HDAC11: variants seen among roughly 807,000 people sequenced by gnomAD.
HDAC11 encodes histone deacetylase 11.
HDAC11 carries 23 observed loss-of-function variants against 41.1 expected under a neutral mutation model. The ratio of observed to expected loss-of-function variants is 0.56; its 90% CI spans 0.40 to 0.79. HDAC11 has a LOEUF of 0.79. Ranked by LOEUF, HDAC11 falls within the 30% of genes least tolerant of loss-of-function variation. The pLI is 0.00. For synonymous variants in HDAC11, 187 were observed against 186.6 expected, an observed-to-expected ratio of 1.00 and a Z score of -0.02; for missense variants, 402 against 477.3, an observed-to-expected ratio of 0.84 and a Z score of 1.47.
At position 13,504,257 on chromosome 3, in the gene HDAC11, G is replaced by A; in HGVS notation, c.813G>A (p.Leu271=). The change falls in exon 9 of 10, where the codon CTG becomes CTA. Residue 271 remains leucine, a synonymous_variant. Coordinates refer to ENST00000295757, the MANE Select transcript of HDAC11 (RefSeq NM_024827.4). ...DILEGDRLGG[L]SISPAGIVKR... Reference sequence around the variant, plus strand: ...TCGAGGGGGACCGCCTTGGGGGGCTGTCCATCAGCCCAGCGGTACGTCCTG... The same window carrying A: ...TCGAGGGGGACCGCCTTGGGGGGCTATCCATCAGCCCAGCGGTACGTCCTG... 1 of 1,613,394 alleles carries A rather than the reference G, an allele frequency of 6.2e-7. No homozygotes were observed. Among genetic ancestry groups the A allele is most frequent in the African/African-American group, 1.3e-5 (1 of 75,054 alleles).
Position 13,504,649 on chromosome 3 carries a change from C to G in HDAC11, c.1010C>G (p.Ser337Ter). Reference sequence around the variant, plus strand: ...TCACCCAGCGTCTCCGCACAGAACTCAGACACACCGCTGCTTCCCCCTGCA... The same window carrying G: ...TCACCCAGCGTCTCCGCACAGAACTGAGACACACCGCTGCTTCCCCCTGCA... ...PESPSVSAQN[S>*]DTPLLPPAVP is the part of the protein sequence containing the mutation. Residue 337 changes from serine to a stop codon, truncating the protein, a stop_gained, in exon 10 of 10, where the codon TCA (serine) becomes TGA (stop). Transcript: ENST00000295757. LOFTEE classifies it high-confidence loss of function. 1 of 1,613,840 alleles carries G rather than the reference C, an allele frequency of 6.2e-7. No homozygotes were observed. Among genetic ancestry groups the G allele is most frequent in the Non-Finnish European group, 8.5e-7 (1 of 1,180,018 alleles).
Position 13,493,571 on chromosome 3 carries a change from A to AAGTAGCCACCTGTGGCT in HDAC11, c.253-3164_253-3148dup, listed in dbSNP as rs1206373796. Among the ~76,000 whole-genome samples, 7 of 152,364 alleles carry AAGTAGCCACCTGTGGCT rather than the reference A, an allele frequency of 4.6e-5. No individual in the cohort carries two copies. In the East Asian group the frequency reaches 1.3e-3, roughly 29 times the overall value. On this transcript the variant is annotated intron_variant, in intron 3 of 9. Transcript: ENST00000295757. ...TTTTGATGAATTTACAATCACTCGT[A>AAGTAGCCACCTGTGGCT]AGTAGCCACCTGTGGCTGGCAGCCA...
rs770556006 is a variant in HDAC11, at chr3:13,504,104, G to A, written c.660G>A (p.Arg220=). ...ATGTCTCTCTCCCAGAGGCCATCAG[G>A]CGGAAGGTGGAGCTGGAGTGGGGCA... ...PGDRFAKQAI[R]RKVELEWGTE... Residue 220 remains arginine, a synonymous_variant, in exon 9 of 10, where the codon AGG becomes AGA. Coordinates refer to ENST00000295757, the MANE Select transcript of HDAC11 (RefSeq NM_024827.4). 6.2e-7 allele frequency: 1 copy of A among 1,613,990 alleles called. No individual in the cohort carries two copies. Among genetic ancestry groups the A allele is most frequent in the Non-Finnish European group, 8.5e-7 (1 of 1,179,998 alleles).
chr3:13,504,227 C>G lies in HDAC11; in HGVS notation c.783C>G (p.Asp261Glu). The G allele has an allele frequency of 6.2e-7, 1 of 1,613,806 alleles. No individual in the cohort carries two copies. The highest frequency in any genetic ancestry group is 1.1e-5 in the South Asian group (1 of 91,082). ...TGGTGGTATACAATGCAGGCACCGA[C>G]ATCCTCGAGGGGGACCGCCTTGGGG... ...PDVVVYNAGTDILEGDRLGGL... is the reference protein window; with the variant it reads ...PDVVVYNAGTEILEGDRLGGL... Residue 261 changes from aspartate (D) to glutamate (E), a missense_variant, in exon 9 of 10, where the codon GAC becomes GAG. Coordinates refer to ENST00000295757, the MANE Select transcript of HDAC11 (RefSeq NM_024827.4).
chr3:13,489,868 A>G (rs1391006462), intron 3 of HDAC11, among the ~76,000 whole-genome samples: 1 of 152,100 alleles, frequency 6.6e-6, no homozygotes, highest in Non-Finnish European at 1.5e-5. Flanking sequence ...CACTGCGCCC[A>G]GCCAATTCTA....
chr3:13,492,344 C>T (rs1701904001), intron 3 of HDAC11, among the ~76,000 whole-genome samples: 2 of 152,200 alleles, frequency 1.3e-5, no homozygotes. Flanking sequence ...CAACGGCATG[C>T]ATGGCCAGCA....
At chr3:13,500,922 G>T in intron 6 of HDAC11, 133 bp downstream of exon 6, 1 of 668,388 alleles carries the variant, frequency 1.5e-6, no homozygotes, top group Non-Finnish European at 2.4e-6. Context: ...GGCTTGTTTG[G>T]GTTGCTCAGC....
At chr3:13,501,420 A>C (rs1226809781) in intron 6 of HDAC11, among the ~76,000 whole-genome samples, 4 of 152,172 alleles carry the variant, frequency 2.6e-5, no homozygotes, top group Non-Finnish European at 5.9e-5. Context: ...AGAAGGGGGA[A>C]GCACAGGAGA....
At chr3:13,484,747 A>C (rs1167456806) in intron 3 of HDAC11, among the ~76,000 whole-genome samples, 1 of 152,194 alleles carries the variant, frequency 6.6e-6, no homozygotes, top group African/African-American at 2.4e-5. Flanking sequence ...CTGTAGACCA[A>C]ACTGGGCACA....
At chr3:13,499,965 G>C (rs923539483) in intron 5 of HDAC11, among the ~76,000 whole-genome samples, 9 of 152,148 alleles carry the variant, frequency 5.9e-5, no homozygotes, top group Non-Finnish European at 1.3e-4. Context: ...CTGTAAAATG[G>C]GGATGGTGAT....
rs375290521 is a variant in HDAC11 at position 13,504,271 on chromosome 3, C to G, written c.827C>G (p.Ala276Gly). The G allele has an allele frequency of 6.2e-7, 1 of 1,612,992 alleles. No homozygotes were observed. The highest frequency in any genetic ancestry group is 1.3e-5 in the African/African-American group (1 of 74,936). The change falls in exon 9 of 10, where the codon GCG becomes GGG. Residue 276 changes from alanine (A) to glycine (G), a missense_variant and splice_region_variant. By Grantham distance (60) the Ala-to-Gly change is moderately conservative. Transcript: ENST00000295757. ...CTTGGGGGGCTGTCCATCAGCCCAG[C>G]GGTACGTCCTGACCCTTGGGGCCAC... ...DRLGGLSISP[A>G]GIVKRDELVF...
At chr3:13,504,386 G>C in intron 9 of HDAC11, 82 bp from the exon 10 acceptor site, 2 of 1,584,858 alleles carry the variant, frequency 1.3e-6, no homozygotes, top group Non-Finnish European at 1.7e-6. Flanking sequence ...CAGCAGTTTG[G>C]AGCAGGGCTA....
intron 5 of HDAC11, 35 bp downstream of exon 5, chr3:13,498,590 C>T: frequency 6.2e-7 from 1 of 1,610,702 alleles, no homozygotes; most frequent in Non-Finnish European, 8.5e-7. Context: ...AATGTCCAGC[C>T]CGGCTTGGTG....
intron 5 of HDAC11, among the ~76,000 whole-genome samples, chr3:13,499,415 C>T (rs558164912): frequency 1.2e-4 from 19 of 152,108 alleles, no homozygotes; most frequent in Admixed American, 3.3e-4. Context: ...GGTGATACGC[C>T]CACCTCGCTC....
At chr3:13,489,620 A>G (rs138448736) in intron 3 of HDAC11, among the ~76,000 whole-genome samples, 1,890 of 152,322 alleles carry the variant, frequency 0.012, 27 homozygotes, top group Middle Eastern at 0.034. Flanking sequence ...AGGCTGGAGT[A>G]CGGTGGCTCC....
At chr3:13,491,817 C>A (rs1461234523) in intron 3 of HDAC11, among the ~76,000 whole-genome samples, 3 of 152,378 alleles carry the variant, frequency 2.0e-5, no homozygotes, top group East Asian at 1.9e-4. Context: ...CTCCCATGCT[C>A]ACATAGTGTG....
At chr3:13,493,694 C>T (rs1454046652) in intron 3 of HDAC11, among the ~76,000 whole-genome samples, 1 of 152,248 alleles carries the variant, frequency 6.6e-6, no homozygotes, top group Non-Finnish European at 1.5e-5. Flanking sequence ...TGCCAGCCTC[C>T]TCTTCACTGC....
chr3:13,493,476 C>T (rs916659713), intron 3 of HDAC11, among the ~76,000 whole-genome samples: 13 of 152,240 alleles, frequency 8.5e-5, no homozygotes, highest in Non-Finnish European at 1.8e-4. Context: ...GCAGTCCAGT[C>T]GCCACTGGCC....
chr3:13,492,662 G>A (rs756920918), intron 3 of HDAC11, among the ~76,000 whole-genome samples: 1 of 152,060 alleles, frequency 6.6e-6, no homozygotes, highest in African/African-American at 2.4e-5. Flanking sequence ...CTCCTCCCTC[G>A]CCTCCTGAGT....
Sources: allele counts gnomAD v4.1 joint callset (sites outside exome capture counted in the v4.1 genomes callset), GRCh38; gene constraint gnomAD v4.1.1; transcripts MANE v1.5; gene names NCBI Gene and HGNC (gene_info 2026-07-23, HGNC 2026-07-21).